Variants in MID1 observed in about 807,000 individuals in gnomAD.
MID1 encodes midline 1.
In MID1, 7 loss-of-function variants were observed where a neutral mutation model predicts 40.4. That is an observed-to-expected ratio of 0.17 (90% CI 0.10 to 0.33). MID1 has a LOEUF of 0.33. Among genes scored for constraint, MID1 ranks in the 10% least tolerant of loss-of-function variants. MID1 has a pLI of 1.00. For missense variants in MID1, 367 were observed against 558.5 expected (o/e 0.66, Z 3.46); for synonymous variants, 229 against 221.2 (o/e 1.04, Z -0.31).
intron 1 of MID1, among the ~76,000 whole-genome samples, chrX:10,770,196 A>T (rs1353531149): frequency 8.9e-6 from 1 of 112,082 alleles, no homozygotes; most frequent in Non-Finnish European, 1.9e-5. Flanking sequence ...ACATGAATTA[A>T]TGTGGAGAAC....
chrX:10,565,504 G>A (rs746746398), intron 2 of MID1: 66 of 329,538 alleles, frequency 2.0e-4, no homozygotes, highest in South Asian at 1.7e-3. Context: ...AGGTGACACT[G>A]TTTTCTAAGT....
chrX:10,762,704 G>T (rs1808780725), intron 1 of MID1, among the ~76,000 whole-genome samples: 1 of 111,411 alleles, frequency 9.0e-6, no homozygotes, highest in African/African-American at 3.3e-5. Context: ...CAAAGTGCTA[G>T]GATTACAGGT....
At position 10,642,193 on chromosome X, in the gene MID1, A is replaced by G. The variant is rs755552878; in HGVS notation, c.-186-21774T>C. Among the ~76,000 whole-genome samples, 987 of 111,740 alleles carry G rather than the reference A, an allele frequency of 8.8e-3. 12 individuals are homozygous for G. Among genetic ancestry groups the G allele is most frequent in the African/African-American group, 0.026 (809 of 30,585 alleles). On this transcript the variant is annotated intron_variant, in intron 1 of 10. Coordinates refer to the MID1 transcript ENST00000380785. Reference sequence around the variant, plus strand: ...GCAATCAGGCAGGAGAAAGAAATAAAGGGTATTCAATTAGGAAAAGAGGAA... The same window carrying G: ...GCAATCAGGCAGGAGAAAGAAATAAGGGGTATTCAATTAGGAAAAGAGGAA...
At chrX:10,738,960 A>AAG (rs1555919630) in intron 1 of MID1, among the ~76,000 whole-genome samples, 18 of 110,031 alleles carry the variant, frequency 1.6e-4, no homozygotes, top group African/African-American at 5.3e-4. Flanking sequence ...AAAAAAAAAA[A>AAG]AAAGAAAGAA....
chrX:10,604,837 G>T (rs779490839), intron 1 of MID1, among the ~76,000 whole-genome samples: 2 of 112,469 alleles, frequency 1.8e-5, no homozygotes, highest in South Asian at 7.3e-4. Flanking sequence ...CAACAGATAG[G>T]TAAGTTTTGT....
Position 10,816,423 on chromosome X carries a change from C to T in MID1, c.-187+17131G>A, listed in dbSNP as rs747367180. 3.6e-5 allele frequency among the ~76,000 whole-genome samples: 4 copies of T among 112,138 alleles called. No individual in the cohort carries two copies. The South Asian group carries it at 1.5e-3, about 42-fold the overall frequency. ...CTGTAATTTCCTCGGAGGCAGGAAA[C>T]GTGTGTCTCCATAGCCTAATAAATA... On this transcript the variant is annotated intron_variant, in intron 1 of 10. Transcript: ENST00000380785.
At chrX:10,681,599 A>G (rs1268292266) in intron 1 of MID1, among the ~76,000 whole-genome samples, 8 of 111,223 alleles carry the variant, frequency 7.2e-5, no homozygotes, top group African/African-American at 2.6e-4. Flanking sequence ...ACCTTTTACA[A>G]TCTCTCTTGG....
chrX:10,543,897 T>C (rs924847012), intron 2 of MID1, among the ~76,000 whole-genome samples: 17 of 109,708 alleles, frequency 1.5e-4, no homozygotes, highest in Non-Finnish European at 1.5e-4. Context: ...TCCCAGCTAC[T>C]AGGGAGGCTG....
chrX:10,544,623 C>T (rs1022821026), intron 2 of MID1, among the ~76,000 whole-genome samples: 4 of 112,083 alleles, frequency 3.6e-5, no homozygotes, highest in Non-Finnish European at 7.5e-5. Context: ...AGTCATTGAC[C>T]TAATTTAGTT....
chrX:10,711,458 A>G (rs2043267039), intron 1 of MID1, among the ~76,000 whole-genome samples: 2 of 112,086 alleles, frequency 1.8e-5, no homozygotes, highest in South Asian at 7.6e-4. Flanking sequence ...AAACACATTG[A>G]GGTGTATATG....
In MID1 at chrX:10,783,526, G is replaced by A. The variant is rs189453057; in HGVS notation, c.-187+50028C>T. ...GTTGGCTTAATTGTCCTTCTATCAC[G>A]CAACAGCATCTAGCTGGTACTTTGC... is the stretch of plus-strand genomic sequence containing the variant. On this transcript the variant is annotated intron_variant, in intron 1 of 10. Coordinates refer to the MID1 transcript ENST00000380785. 8.8e-4 allele frequency among the ~76,000 whole-genome samples: 98 copies of A among 111,281 alleles called. 1 individual carries two copies. Among genetic ancestry groups the A allele is most frequent in the Non-Finnish European group, 1.4e-3 (75 of 53,103 alleles).
chrX:10,669,175 C>T (rs2042970949), intron 1 of MID1, among the ~76,000 whole-genome samples: 1 of 98,971 alleles, frequency 1.0e-5, no homozygotes, highest in Admixed American at 1.1e-4. Flanking sequence ...GCCGAGATTG[C>T]ACCACTGCAG....
chrX:10,682,898 C>A (rs1042878806), intron 1 of MID1, among the ~76,000 whole-genome samples: 26 of 111,623 alleles, frequency 2.3e-4, no homozygotes, highest in Admixed American at 5.7e-4. Context: ...GGTAAGAGAG[C>A]AATCCACAGG....
Position 10,673,320 on chromosome X carries a change from A to G in MID1, c.-186-52901T>C, listed in dbSNP as rs192852636. On this transcript the variant is annotated intron_variant, in intron 1 of 10. Coordinates refer to the MID1 transcript ENST00000380785. ...TAGATCTTTATACAAGCAGATCTCT[A>G]TACAAACAAATATGTCACAGCGTAC... Among the ~76,000 whole-genome samples, 283 of 111,609 alleles carry G rather than the reference A, an allele frequency of 2.5e-3. 1 individual carries two copies. The highest frequency in any genetic ancestry group is 8.1e-3 in the African/African-American group (248 of 30,744).
chrX:10,712,217 C>G lies in MID1; in HGVS notation c.-186-91798G>C, dbSNP rs142549594. On this transcript the variant is annotated intron_variant, in intron 1 of 10. Coordinates refer to the MID1 transcript ENST00000380785. ...ATGGTCAGGCAGTTGTTAACTGTCT[C>G]TCTAAAATGATACCTGGTCACAACT... Among the ~76,000 whole-genome samples the G allele has an allele frequency of 2.8e-3, 308 of 111,017 alleles. 3 individuals are homozygous for G. The highest frequency in any genetic ancestry group is 4.8e-3 in the Non-Finnish European group (252 of 52,990).
Position 10,739,144 on chromosome X carries a change from A to G in MID1, c.-187+94410T>C, listed in dbSNP as rs142331331. On this transcript the variant is annotated intron_variant, in intron 1 of 10. Transcript: ENST00000380785. ...CTGGTGTGTGTTGAGAAGCGGGTCA[A>G]TTGGTTGAATAAATTTGTTGAGTGA... Among the ~76,000 whole-genome samples, 411 of 111,619 alleles carry G rather than the reference A, an allele frequency of 3.7e-3. 5 individuals are homozygous for G. The highest frequency in any genetic ancestry group is 0.013 in the African/African-American group (387 of 30,738).
chrX:10,629,313 T>C (rs1936027963), intron 1 of MID1, among the ~76,000 whole-genome samples: 1 of 110,571 alleles, frequency 9.0e-6, no homozygotes, highest in Non-Finnish European at 1.9e-5. Context: ...TTCTCCAGCC[T>C]CAGCCACTCT....
intron 1 of MID1, among the ~76,000 whole-genome samples, chrX:10,679,336 T>G (rs753039661): frequency 8.1e-5 from 9 of 111,292 alleles, no homozygotes; most frequent in East Asian, 2.8e-4. Context: ...TCTCGAAGGA[T>G]CAATAAGAAT....
intron 1 of MID1, among the ~76,000 whole-genome samples, chrX:10,823,808 C>G (rs1399449656): frequency 9.0e-6 from 1 of 111,233 alleles, no homozygotes. Flanking sequence ...ATGAAATGGT[C>G]TTGGAAGCGA....
Sources: allele counts gnomAD v4.1 joint callset (sites outside exome capture counted in the v4.1 genomes callset), GRCh38; gene constraint gnomAD v4.1.1; transcripts MANE v1.5; gene names NCBI Gene and HGNC (gene_info 2026-07-23, HGNC 2026-07-21).